The following TSHZ1 variants were observed in gnomAD, a reference collection of about 807,000 sequenced individuals.
TSHZ1 encodes the protein teashirt zinc finger homeobox 1.
In TSHZ1, 12 loss-of-function variants were observed where a neutral mutation model predicts 67.1. The ratio of observed to expected loss-of-function variants is 0.18; its 90% CI spans 0.11 to 0.29. TSHZ1 has a LOEUF of 0.29. Among genes scored for constraint, TSHZ1 ranks in the 10% least tolerant of loss-of-function variants. The probability of loss-of-function intolerance (pLI) is 1.00; values close to 1 mark genes in which losing one functional copy is unlikely to be tolerated. For missense variants in TSHZ1, 1,305 were observed against 1,413.9 expected, an observed-to-expected ratio of 0.92 and a Z score of 1.23; for synonymous variants, 632 against 622.4, an observed-to-expected ratio of 1.02 and a Z score of -0.23.
At chr18:75,238,024 C>A (rs1409882240) in intron 1 of TSHZ1, among the ~76,000 whole-genome samples, 3 of 152,124 alleles carry the variant, frequency 2.0e-5, no homozygotes, top group African/African-American at 7.2e-5. Context: ...GTTGGTCAGG[C>A]TGGGCACCTC....
intron 1 of TSHZ1, among the ~76,000 whole-genome samples, chr18:75,263,189 G>A (rs1171371203): frequency 6.6e-6 from 1 of 152,094 alleles, no homozygotes; most frequent in East Asian, 1.9e-4. Context: ...AAAAAATTCA[G>A]GGCATGAAAT....
chr18:75,228,847 C>T (rs78563512), intron 1 of TSHZ1, among the ~76,000 whole-genome samples: 2,494 of 152,312 alleles, frequency 0.016, 32 homozygotes, highest in South Asian at 0.027. Flanking sequence ...ATCCCAGCAT[C>T]TAGGCATTCA....
chr18:75,275,465 G>A (rs1027141957), intron 1 of TSHZ1, among the ~76,000 whole-genome samples: 16 of 152,200 alleles, frequency 1.1e-4, no homozygotes, highest in African/African-American at 2.9e-4. Context: ...GTCAGAGAAC[G>A]AGCCAGTACT....
rs1363641264 is a variant in TSHZ1, at chr18:75,287,519, G to A, written c.2112G>A (p.Lys704=). 49 of 1,614,108 alleles carry A rather than the reference G, an allele frequency of 3.0e-5. No homozygotes were observed. Among genetic ancestry groups the A allele is most frequent in the Non-Finnish European group, 4.0e-5 (47 of 1,180,052 alleles). ...AGGCCGAGACTGGGAAGGCCAAAAA[G>A]GAGGGACCGCTGGACGTTCACACCC... The part of the protein sequence containing the change: ...GPEAETGKAK[K]EGPLDVHTPN... Residue 704 remains lysine, a synonymous_variant, in exon 2 of 2, where the codon AAG becomes AAA. Coordinates refer to ENST00000580243, the MANE Select transcript of TSHZ1 (RefSeq NM_001308210.2). The surrounding 1 kb of genome is among the most constrained non-coding windows in gnomAD (Gnocchi z 5.0).
intron 1 of TSHZ1, among the ~76,000 whole-genome samples, chr18:75,266,585 A>G (rs1309854928): frequency 1.3e-5 from 2 of 152,252 alleles, no homozygotes; most frequent in Admixed American, 6.5e-5. Context: ...ACAGTCTTAT[A>G]TTCTCTTGAA....
intron 1 of TSHZ1, among the ~76,000 whole-genome samples, chr18:75,225,889 CA>C (rs1165625980): frequency 2.0e-5 from 3 of 152,144 alleles, no homozygotes; most frequent in African/African-American, 7.2e-5. Flanking sequence ...GGTGGAGAGG[CA>C]GGTTTGCACT....
chr18:75,227,069 G>A (rs560503888), intron 1 of TSHZ1, among the ~76,000 whole-genome samples: 1 of 152,182 alleles, frequency 6.6e-6, no homozygotes, highest in South Asian at 2.1e-4. Flanking sequence ...CATGACCCAG[G>A]TGCCCCTGCA....
intron 1 of TSHZ1, among the ~76,000 whole-genome samples, chr18:75,231,752 C>T (rs2023001616): frequency 6.6e-6 from 1 of 152,082 alleles, no homozygotes; most frequent in Non-Finnish European, 1.5e-5. Flanking sequence ...CCAGGCTGGT[C>T]TCTAACTCCT....
At chr18:75,282,579 G>A (rs2122615030) in intron 1 of TSHZ1, among the ~76,000 whole-genome samples, 1 of 152,306 alleles carries the variant, frequency 6.6e-6, no homozygotes, top group Non-Finnish European at 1.5e-5. Context: ...TCCAACAGAG[G>A]TGGCCTTAAA....
rs549076959 is a variant in TSHZ1, at chr18:75,287,534, C to T, written c.2127C>T (p.Asp709=). The change falls in exon 2 of 2, where the codon GAC becomes GAT. Residue 709 remains aspartate (D), a synonymous_variant. Transcript: ENST00000580243. This position sits in a 1 kb window ranked among gnomAD's most constrained non-coding sequence, Gnocchi z 5.0. The part of the protein sequence containing the change: ...TGKAKKEGPL[D]VHTPNGTEPL... ...AGGCCAAAAAGGAGGGACCGCTGGACGTTCACACCCCAAATGGCACAGAGC... is the reference window on the plus strand; with the variant it reads ...AGGCCAAAAAGGAGGGACCGCTGGATGTTCACACCCCAAATGGCACAGAGC... 18 of 1,614,228 alleles carry T rather than the reference C, an allele frequency of 1.1e-5. No homozygotes were observed. The highest frequency in any genetic ancestry group is 9.3e-5 in the African/African-American group (7 of 75,058).
chr18:75,262,650 C>T (rs574843750), intron 1 of TSHZ1, among the ~76,000 whole-genome samples: 28 of 152,180 alleles, frequency 1.8e-4, no homozygotes, highest in Non-Finnish European at 4.1e-4. Flanking sequence ...GCAAATGCAA[C>T]GTTCACTCTG....
intron 1 of TSHZ1, among the ~76,000 whole-genome samples, chr18:75,235,795 TCTC>T (rs1355774193): frequency 6.6e-6 from 1 of 152,196 alleles, no homozygotes; most frequent in Non-Finnish European, 1.5e-5. Context: ...ATCTCAGCCG[TCTC>T]CTCCTCCATG....
At chr18:75,223,008 G>A (rs1358903497) in intron 1 of TSHZ1, among the ~76,000 whole-genome samples, 3 of 152,188 alleles carry the variant, frequency 2.0e-5, no homozygotes, top group African/African-American at 7.2e-5. Flanking sequence ...TTGTTCTGTA[G>A]AGCACCTGCT....
In TSHZ1 at chr18:75,281,789, GC is replaced by G. The variant is rs1050967924; in HGVS notation, c.41-3657del. Among the ~76,000 whole-genome samples the G allele has an allele frequency of 2.2e-4, 33 of 152,224 alleles. No homozygotes were observed. The highest frequency in any genetic ancestry group is 7.7e-4 in the African/African-American group (32 of 41,538). ...GCAACCGGGTGGGGAGTGAGAAGTT[GC>G]CTCCAGATGGCATCTGGAAGGGGGG... On this transcript the variant is annotated intron_variant, in intron 1 of 1. Coordinates refer to ENST00000580243, the MANE Select transcript of TSHZ1 (RefSeq NM_001308210.2). The surrounding 1 kb of genome is among the most constrained non-coding windows in gnomAD (Gnocchi z 5.3).
At position 75,286,412 on chromosome 18, in the gene TSHZ1, G is replaced by A. The variant is rs781694571; in HGVS notation, c.1005G>A (p.Val335=). 1 of 1,614,164 alleles carries A rather than the reference G, an allele frequency of 6.2e-7. No homozygotes were observed. Among genetic ancestry groups the A allele is most frequent in the African/African-American group, 1.3e-5 (1 of 75,036 alleles). The change falls in exon 2 of 2, where the codon GTG becomes GTA. Residue 335 remains valine (V), a synonymous_variant. Transcript: ENST00000580243. The surrounding 1 kb of genome is among the most constrained non-coding windows in gnomAD (Gnocchi z 5.1). ...TCAAAACCAAGCATTACCAGAAAGT[G>A]CCTCTGAAGGAGCCAGTGCCAGCCA... The part of the protein sequence containing the change: ...HMIKTKHYQK[V]PLKEPVPAIT...
chr18:75,247,863 C>CT (rs34014801), intron 1 of TSHZ1, among the ~76,000 whole-genome samples: 6,435 of 142,988 alleles, frequency 0.045, 372 homozygotes, highest in African/African-American at 0.14. Context: ...TCAGACCTTA[C>CT]TTTTTTTTTT....
intron 1 of TSHZ1, chr18:75,284,485 G>A (rs1599058987): frequency 6.6e-6 from 1 of 152,304 alleles, no homozygotes; most frequent in East Asian, 1.9e-4. Flanking sequence ...CGTTCATATT[G>A]ATGTGCAGCC....
rs751522757 is a variant in TSHZ1 at position 75,287,034 on chromosome 18, G to T, written c.1627G>T (p.Asp543Tyr). Residue 543 changes from aspartate (D) to tyrosine (Y), a missense_variant, in exon 2 of 2, where the codon GAC becomes TAC. Asp to Tyr is a radical substitution (Grantham distance 160). This residue lies in a region of TSHZ1 where 909 missense variants were observed against 961.8 expected (regional missense o/e 0.95). Transcript: ENST00000580243. This position sits in a 1 kb window ranked among gnomAD's most constrained non-coding sequence, Gnocchi z 5.0. ...YPYLREEDLD[D>Y]SPKGGLDILK... ...GTACCTGCGTGAGGAGGACCTGGAC[G>T]ACAGCCCCAAGGGAGGGCTGGACAT... 1.2e-6 allele frequency: 2 copies of T among 1,613,978 alleles called. No homozygotes were observed. The highest frequency in any genetic ancestry group is 2.7e-5 in the African/African-American group (2 of 75,052).
At chr18:75,225,839 T>C (rs1402776589) in intron 1 of TSHZ1, among the ~76,000 whole-genome samples, 4 of 152,132 alleles carry the variant, frequency 2.6e-5, no homozygotes, top group African/African-American at 9.7e-5. Context: ...GATTTTTCTT[T>C]GGATGGGTTG....
Sources: allele counts gnomAD v4.1 joint callset (sites outside exome capture counted in the v4.1 genomes callset), GRCh38; gene constraint gnomAD v4.1.1; regional missense constraint gnomAD v4.1.1; non-coding constraint Gnocchi (gnomAD v3.1); transcripts MANE v1.5; gene names NCBI Gene and HGNC (gene_info 2026-07-23, HGNC 2026-07-21).